RIPOR3: variants seen among roughly 807,000 people sequenced by gnomAD.
The protein encoded by RIPOR3 is RIPOR family member 3.
RIPOR3 carries 95 observed loss-of-function variants against 114.3 expected under a neutral mutation model. The observed-to-expected ratio is 0.83, with a 90% CI of 0.70 to 0.99. The LOEUF is 0.99. Among genes scored for constraint, RIPOR3 ranks in the 50% least tolerant of loss-of-function variants. The probability of loss-of-function intolerance (pLI) is 0.00; values close to 1 mark genes in which losing one functional copy is unlikely to be tolerated. For missense variants in RIPOR3, 1,252 were observed against 1,266.9 expected (o/e 0.99, Z 0.18); for synonymous variants, 575 against 543.8 (o/e 1.06, Z -0.80).
At chr20:50,641,709 G>T (rs1166521641) in intron 1 of RIPOR3, among the ~76,000 whole-genome samples, 3 of 152,204 alleles carry the variant, frequency 2.0e-5, no homozygotes. Flanking sequence ...CAGGAGCTGT[G>T]TTACACAGAT....
At chr20:50,645,882 C>G (rs1418014965) in intron 1 of RIPOR3, 2 of 152,342 alleles carry the variant, frequency 1.3e-5, no homozygotes, top group East Asian at 3.9e-4. Flanking sequence ...TCTGGTCCTC[C>G]AGAGGTAAAC....
At chr20:50,631,593 G>T (rs536408685) in intron 1 of RIPOR3, among the ~76,000 whole-genome samples, 1 of 152,174 alleles carries the variant, frequency 6.6e-6, no homozygotes, top group African/African-American at 2.4e-5. Flanking sequence ...AATGGGGCAA[G>T]GGTGACTGGG....
intron 2 of RIPOR3, among the ~76,000 whole-genome samples, chr20:50,623,826 G>A (rs2084516302): frequency 1.3e-5 from 2 of 151,870 alleles, no homozygotes; most frequent in South Asian, 4.2e-4. Context: ...AACCACCCTA[G>A]GAGACAGGTA....
chr20:50,623,428 G>A (rs2084498239), intron 2 of RIPOR3, among the ~76,000 whole-genome samples: 1 of 152,232 alleles, frequency 6.6e-6, no homozygotes, highest in Non-Finnish European at 1.5e-5. Context: ...TTCCCAGCTG[G>A]AGACAGAGGG....
chr20:50,634,122 C>T (rs1399414094), intron 1 of RIPOR3, among the ~76,000 whole-genome samples: 4 of 151,882 alleles, frequency 2.6e-5, no homozygotes, highest in African/African-American at 9.7e-5. Flanking sequence ...GCTGGGACTA[C>T]AGGCACACAC....
intron 1 of RIPOR3, among the ~76,000 whole-genome samples, chr20:50,658,537 A>G (rs1248265603): frequency 2.0e-5 from 3 of 152,066 alleles, no homozygotes. Context: ...GTGAGATCCT[A>G]TCTCTACAAA....
At chr20:50,604,023 A>G (rs1320880966) in intron 12 of RIPOR3, among the ~76,000 whole-genome samples, 1 of 152,082 alleles carries the variant, frequency 6.6e-6, no homozygotes, top group Non-Finnish European at 1.5e-5. Context: ...CTCTACTAAA[A>G]ATACGAAAAT....
chr20:50,632,103 C>T (rs1167634067), intron 1 of RIPOR3, among the ~76,000 whole-genome samples: 1 of 152,180 alleles, frequency 6.6e-6, no homozygotes, highest in African/African-American at 2.4e-5. Flanking sequence ...CGAGCCACAT[C>T]TGCCCAGCAT....
intron 1 of RIPOR3, among the ~76,000 whole-genome samples, chr20:50,666,206 T>TCCTTTCCTTTCCTTTCCTTTCCTATC: frequency 8.4e-6 from 1 of 118,966 alleles, no homozygotes; most frequent in African/African-American, 3.4e-5. Flanking sequence ...TCTTTTCTTT[T>TCCTTTCCTTTCCTTTCCTTTCCTATC]CTTTTCTTTT....
At chr20:50,671,229 TC>T (rs2123529523) in intron 1 of RIPOR3, among the ~76,000 whole-genome samples, 1 of 152,284 alleles carries the variant, frequency 6.6e-6, no homozygotes, top group Non-Finnish European at 1.5e-5. Context: ...CCTCAAGTGA[TC>T]CACCCACCTC....
intron 1 of RIPOR3, among the ~76,000 whole-genome samples, chr20:50,642,356 GT>G: frequency 1.3e-5 from 1 of 78,606 alleles, no homozygotes; most frequent in Non-Finnish European, 2.3e-5. Context: ...GTGTGTGTGT[GT>G]GTGTGTGTGT....
In RIPOR3 at chr20:50,587,148, C is replaced by T. The variant is rs75292178; in HGVS notation, c.*84G>A. 0.011 allele frequency: 11,721 copies of T among 1,047,528 alleles called. 100 individuals are homozygous for T. Among genetic ancestry groups the T allele is most frequent in the Non-Finnish European group, 0.014 (9,350 of 682,026 alleles). The allele number at this position is 1,047,528 out of a possible 1,614,324, so 64.9% of individuals were successfully genotyped here. A position where few individuals can be genotyped will look rare whatever the true frequency, so the allele number is the denominator to read the frequency against. The stretch of plus-strand genomic sequence containing the variant: ...CACACTCCTGGAGGAGTGCACAGCA[C>T]CATTACCCAGAGTGCAGGCTATGTC... On this transcript the variant is annotated 3_prime_UTR_variant, in exon 22 of 22. Coordinates refer to ENST00000327979, the MANE Select transcript of RIPOR3 (RefSeq NM_001290268.2).
intron 1 of RIPOR3, among the ~76,000 whole-genome samples, chr20:50,689,180 T>G (rs1205502149): frequency 9.1e-6 from 1 of 110,222 alleles, no homozygotes; most frequent in East Asian, 3.3e-4. Flanking sequence ...TTCTTTTTTT[T>G]TTTTTTTTTT....
At chr20:50,599,602 A>G (rs1180553385) in intron 13 of RIPOR3, among the ~76,000 whole-genome samples, 2 of 152,252 alleles carry the variant, frequency 1.3e-5, no homozygotes, top group East Asian at 3.9e-4. Flanking sequence ...AACAAAAAGC[A>G]CAAAAACTTG....
rs192351933 is a variant in RIPOR3 at position 50,604,772 on chromosome 20, G to C, written c.959C>G (p.Pro320Arg). The C allele has an allele frequency of 1.9e-6, 3 of 1,607,032 alleles. No homozygotes were observed. The highest frequency in any genetic ancestry group is 4.5e-5 in the East Asian group (2 of 44,318). Residue 320 changes from proline to arginine, a missense_variant and splice_region_variant, in exon 12 of 22, where the codon CCG becomes CGG. Transcript: ENST00000327979. ...CACCAGGAAGCTCTCAGTATCAAAC[G>C]GGCTGGAGGAGAGAACAGAAGGTCA... is the stretch of plus-strand genomic sequence containing the variant. ...IKLQLEVQWNPFDTESFLVSP... is the reference protein window; with the variant it reads ...IKLQLEVQWNRFDTESFLVSP...
At chr20:50,594,809 GGGA>G (rs1568821587) in intron 16 of RIPOR3, 95 bp from the exon 17 acceptor site, 5 of 1,401,328 alleles carry the variant, frequency 3.6e-6, no homozygotes, top group Non-Finnish European at 2.9e-6. Context: ...TGAGGGGGTA[GGGA>G]GGAGGGGACG....
rs565220300 is a variant in RIPOR3, at chr20:50,648,327, G to C, written c.4-17471C>G. ...GGGTACTCTATGGTTTCCTGGGGCT[G>C]CTGTAAAAAAAAAAAAAAATACTAC... On this transcript the variant is annotated intron_variant, in intron 1 of 21. Coordinates refer to ENST00000327979, the MANE Select transcript of RIPOR3 (RefSeq NM_001290268.2). 2.0e-5 allele frequency among the ~76,000 whole-genome samples: 3 copies of C among 148,816 alleles called. No individual in the cohort carries two copies. The East Asian group carries it at 5.8e-4, about 29-fold the overall frequency.
chr20:50,672,840 C>T (rs116804382), intron 1 of RIPOR3, among the ~76,000 whole-genome samples: 50 of 152,354 alleles, frequency 3.3e-4, no homozygotes, highest in African/African-American at 1.2e-3. Flanking sequence ...CTCCCATCTC[C>T]TCCTGGGCTG....
At position 50,691,228 on chromosome 20, in the gene RIPOR3, G is replaced by A; in HGVS notation, c.-100C>T. ...CAAGCGTCTGCTCCCATCTGGCCCG[G>A]GACTCCCGGACTCGAGCTAGGGCTC... is the stretch of plus-strand genomic sequence containing the variant. On this transcript the variant is annotated 5_prime_UTR_variant, in exon 1 of 22. Transcript: ENST00000327979. 7.0e-6 allele frequency: 9 copies of A among 1,279,220 alleles called. No individual in the cohort carries two copies. The highest frequency in any genetic ancestry group is 1.2e-5 in the South Asian group (1 of 80,680). 79.2% of individuals were successfully genotyped at this position (1,279,220 alleles called of 1,614,324 possible).
Sources: allele counts gnomAD v4.1 joint callset (sites outside exome capture counted in the v4.1 genomes callset), GRCh38; gene constraint gnomAD v4.1.1; transcripts MANE v1.5; gene names NCBI Gene and HGNC (gene_info 2026-07-23, HGNC 2026-07-21).